ZC3H8: variants seen among roughly 807,000 people sequenced by gnomAD.
ZC3H8 encodes the protein zinc finger CCCH-type containing 8.
ZC3H8 carries 27 observed loss-of-function variants against 42.5 expected under a neutral mutation model. The observed-to-expected ratio is 0.64, with a 90% CI of 0.47 to 0.88. ZC3H8 has a LOEUF of 0.88. Among genes scored for constraint, ZC3H8 ranks in the 40% least tolerant of loss-of-function variants. The pLI is 0.00. For missense variants in ZC3H8, 277 were observed against 336.1 expected, an observed-to-expected ratio of 0.82 and a Z score of 1.37; for synonymous variants, 101 against 110.1, an observed-to-expected ratio of 0.92 and a Z score of 0.52.
chr2:112,221,810 C>A (rs1464482392), intron 8 of ZC3H8, among the ~76,000 whole-genome samples: 2 of 152,074 alleles, frequency 1.3e-5, no homozygotes, highest in Non-Finnish European at 2.9e-5. Context: ...TTGACTATCT[C>A]CTGTATGTCA....
At chr2:112,239,354 T>A (rs936017652) in intron 2 of ZC3H8, among the ~76,000 whole-genome samples, 4 of 152,186 alleles carry the variant, frequency 2.6e-5, no homozygotes, top group Non-Finnish European at 5.9e-5. Context: ...AGTTTATTTT[T>A]AAAAAATGAC....
intron 3 of ZC3H8, among the ~76,000 whole-genome samples, chr2:112,237,890 T>C (rs912327507): frequency 6.6e-5 from 10 of 152,224 alleles, no homozygotes; most frequent in African/African-American, 2.4e-4. Context: ...ATAATTGCCA[T>C]TTGCCCTCAT....
At position 112,215,951 on chromosome 2, in the gene ZC3H8, TA is replaced by T. The variant is rs1282538449; in HGVS notation, c.*532del. On this transcript the variant is annotated 3_prime_UTR_variant, in exon 9 of 9. Transcript: ENST00000409573. ...AATGTCTAACAATAGGAAACTGGTT[TA>T]AAAAAATCATAGAACCATAATTTAT... is the stretch of plus-strand genomic sequence containing the variant. The T allele has an allele frequency of 4.6e-5, 7 of 152,132 alleles. No individual in the cohort carries two copies. Among genetic ancestry groups the T allele is most frequent in the Non-Finnish European group, 7.4e-5 (5 of 68,014 alleles). The allele number at this position is 152,132 out of a possible 1,614,324, so 9.4% of individuals were successfully genotyped here. A position where few individuals can be genotyped will look rare whatever the true frequency, so the allele number is the denominator to read the frequency against.
At chr2:112,239,702 A>T (rs970922902) in intron 2 of ZC3H8, among the ~76,000 whole-genome samples, 1 of 147,390 alleles carries the variant, frequency 6.8e-6, no homozygotes, top group Non-Finnish European at 1.5e-5. Context: ...CCCTTGCCTC[A>T]GCCTCCCGAG....
chr2:112,238,561 C>T, intron 2 of ZC3H8, 33 bp from the exon 3 acceptor site: 2 of 1,546,046 alleles, frequency 1.3e-6, no homozygotes, highest in South Asian at 2.4e-5. Context: ...ATTTTAAAAA[C>T]CTAGCATGAT....
At chr2:112,247,450 G>A (rs1209815098) in intron 2 of ZC3H8, among the ~76,000 whole-genome samples, 1 of 152,050 alleles carries the variant, frequency 6.6e-6, no homozygotes, top group African/African-American at 2.4e-5. Flanking sequence ...TGGGTGACAG[G>A]CACCTGTATT....
intron 2 of ZC3H8, among the ~76,000 whole-genome samples, chr2:112,240,935 A>T (rs1023438242): frequency 6.6e-6 from 1 of 150,636 alleles, no homozygotes; most frequent in African/African-American, 2.4e-5. Flanking sequence ...AACCTCCAAA[A>T]TTAAAGTACA....
At chr2:112,254,793 G>C in intron 1 of ZC3H8, 115 bp downstream of exon 1, 1 of 1,250,816 alleles carries the variant, frequency 8.0e-7, no homozygotes, top group South Asian at 1.4e-5. Context: ...TGCTCCCCAC[G>C]GGCCCTCGCG....
chr2:112,254,660 C>A (rs982981181), intron 1 of ZC3H8, among the ~76,000 whole-genome samples: 15 of 152,362 alleles, frequency 9.8e-5, no homozygotes, highest in African/African-American at 3.6e-4. Context: ...CCCGCTCCCC[C>A]GCCCAGGCTC....
At position 112,214,830 on chromosome 2, in the gene ZC3H8, A is replaced by G. The variant is rs1372188075; in HGVS notation, c.*1654T>C. ...CAGCTGCTTTGAGAACACAGGACAC[A>G]TTCATGAGAATCTCTGTCTCCTAAC... On this transcript the variant is annotated 3_prime_UTR_variant, in exon 9 of 9. Coordinates refer to ENST00000409573, the MANE Select transcript of ZC3H8 (RefSeq NM_032494.3). The G allele has an allele frequency of 6.6e-6, 1 of 152,186 alleles. No homozygotes were observed. The highest frequency in any genetic ancestry group is 1.9e-4 in the East Asian group (1 of 5,198). The allele number at this position is 152,186 out of a possible 1,614,324, so 9.4% of individuals were successfully genotyped here. A position where few individuals can be genotyped will look rare whatever the true frequency, so the allele number is the denominator to read the frequency against.
In ZC3H8 at chr2:112,234,102, G is replaced by C; in HGVS notation, c.621+18C>G. ...CAGTTTTACATTTTAGTAGATTTTT[G>C]CTTACACATTTTTATACCTTAATAC... On this transcript the variant is annotated intron_variant, in intron 5 of 8. Transcript: ENST00000409573. 2 of 1,379,526 alleles carry C rather than the reference G, an allele frequency of 1.4e-6. No individual in the cohort carries two copies. The highest frequency in any genetic ancestry group is 2.3e-5 in the Admixed American group (1 of 43,064). 85.5% of individuals were successfully genotyped at this position (1,379,526 alleles called of 1,614,324 possible).
intron 5 of ZC3H8, 51 bp downstream of exon 5, chr2:112,234,069 A>C (rs1180960630): frequency 9.4e-7 from 1 of 1,061,426 alleles, no homozygotes; most frequent in African/African-American, 1.6e-5. Context: ...AGTATCAAAC[A>C]GAAAGAGCAG....
At chr2:112,236,868 C>T (rs1685358908) in intron 3 of ZC3H8, among the ~76,000 whole-genome samples, 173 bp from the exon 4 acceptor site, 1 of 152,082 alleles carries the variant, frequency 6.6e-6, no homozygotes, top group Non-Finnish European at 1.5e-5. Context: ...GTGTTCAAGG[C>T]CAGCCTAGGC....
intron 3 of ZC3H8, 50 bp downstream of exon 3, chr2:112,238,265 T>C (rs1476272586): frequency 3.3e-5 from 52 of 1,568,332 alleles, no homozygotes; most frequent in Non-Finnish European, 4.3e-5. Context: ...TGGACAACTG[T>C]GACTGCTTCT....
intron 8 of ZC3H8, among the ~76,000 whole-genome samples, chr2:112,227,636 G>A (rs934950414): frequency 6.6e-6 from 1 of 152,138 alleles, no homozygotes; most frequent in Non-Finnish European, 1.5e-5. Flanking sequence ...GAAGTCTTGG[G>A]AAACAAGATC....
chr2:112,234,335 A>G (rs958751230), intron 4 of ZC3H8, 99 bp from the exon 5 acceptor site: 91 of 895,448 alleles, frequency 1.0e-4, no homozygotes, highest in Non-Finnish European at 3.0e-5. Flanking sequence ...AGAGCCTTAA[A>G]GGTGACTCTT....
chr2:112,244,366 C>G (rs1443159687), intron 2 of ZC3H8, among the ~76,000 whole-genome samples: 1 of 152,000 alleles, frequency 6.6e-6, no homozygotes, highest in Non-Finnish European at 1.5e-5. Flanking sequence ...TCCATGCATC[C>G]CTACATATGG....
intron 2 of ZC3H8, among the ~76,000 whole-genome samples, chr2:112,245,544 C>T (rs1685730714): frequency 6.6e-6 from 1 of 152,186 alleles, no homozygotes; most frequent in African/African-American, 2.4e-5. Flanking sequence ...GTCCCAGCTA[C>T]TCAGGAGGCT....
In ZC3H8 at chr2:112,246,856, C is replaced by A. The variant is rs564473458; in HGVS notation, c.156+3335G>T. Among the ~76,000 whole-genome samples the A allele has an allele frequency of 3.5e-4, 54 of 152,282 alleles. No individual in the cohort carries two copies. In the South Asian group the frequency reaches 0.011, roughly 30 times the overall value. ...GGTAAAATGCTATCAAACAGCATCACATACTACAGAGAAATATTTTGTAAA... is the reference window on the plus strand; with the variant it reads ...GGTAAAATGCTATCAAACAGCATCAAATACTACAGAGAAATATTTTGTAAA... On this transcript the variant is annotated intron_variant, in intron 2 of 8. Transcript: ENST00000409573.
Sources: allele counts gnomAD v4.1 joint callset (sites outside exome capture counted in the v4.1 genomes callset), GRCh38; gene constraint gnomAD v4.1.1; transcripts MANE v1.5; gene names NCBI Gene and HGNC (gene_info 2026-07-23, HGNC 2026-07-21).